Variants in DPP6 observed in about 807,000 individuals in gnomAD.
The protein encoded by DPP6 is dipeptidyl peptidase like 6, also known as A-type potassium channel modulatory protein DPP6.
In DPP6, 69 loss-of-function variants were observed where a neutral mutation model predicts 122.6. The ratio of observed to expected loss-of-function variants is 0.56; its 90% CI spans 0.46 to 0.69. DPP6 has a LOEUF of 0.69. Ranked by LOEUF, DPP6 falls within the 30% of genes least tolerant of loss-of-function variation. The pLI is 0.00. For missense variants in DPP6, 928 were observed against 1,116.9 expected (o/e 0.83, Z 2.41); for synonymous variants, 418 against 433.1 (o/e 0.97, Z 0.43).
chr7:154,330,160 G>A (rs1429166674), intron 1 of DPP6, among the ~76,000 whole-genome samples: 2 of 152,210 alleles, frequency 1.3e-5, no homozygotes, highest in African/African-American at 4.8e-5. Flanking sequence ...TAACAAACCT[G>A]CACGTTGTGC....
rs1162209939 is a variant in DPP6 at position 153,976,345 on chromosome 7, GT to G, written c.51+88612del. 8.5e-5 allele frequency among the ~76,000 whole-genome samples: 13 copies of G among 152,284 alleles called. 1 individual carries two copies. Among genetic ancestry groups the G allele is most frequent in the African/African-American group, 2.9e-4 (12 of 41,566 alleles). On this transcript the variant is annotated intron_variant, in intron 1 of 25. Coordinates refer to the DPP6 transcript ENST00000404039. The stretch of plus-strand genomic sequence containing the variant: ...GGGCGCATTTCTCTAACAGACAACA[GT>G]GTGGAAATCTGATCCAGCTAACAAC...
chr7:153,804,385 C>A, the DPP6 span, among the ~76,000 whole-genome samples: 1 of 152,092 alleles, frequency 6.6e-6, no homozygotes, highest in African/African-American at 2.4e-5. Context: ...TTGCTCTACT[C>A]ATGGTACCGT....
intron 1 of DPP6, among the ~76,000 whole-genome samples, chr7:154,152,017 C>T (rs1431050896): frequency 2.6e-5 from 4 of 151,310 alleles, no homozygotes; most frequent in Non-Finnish European, 5.9e-5. Context: ...TTTCGCCTCT[C>T]TATGCCCTGT....
chr7:154,571,052 GTTTTA>G, intron 5 of DPP6, among the ~76,000 whole-genome samples: 1 of 152,212 alleles, frequency 6.6e-6, no homozygotes, highest in East Asian at 1.9e-4. Context: ...TGCTAAATGA[GTTTTA>G]TTTTATTTTA....
intron 1 of DPP6, among the ~76,000 whole-genome samples, chr7:154,313,716 C>CGCAT (rs1404245105): frequency 0.17 from 3,686 of 22,098 alleles, 945 homozygotes; most frequent in African/African-American, 0.37. Context: ...TATATATATA[C>CGCAT]ACACACACGC....
At chr7:154,599,042 G>A (rs552883931) in intron 5 of DPP6, among the ~76,000 whole-genome samples, 1 of 152,280 alleles carries the variant, frequency 6.6e-6, no homozygotes, top group Admixed American at 6.5e-5. Flanking sequence ...CAGTGGCAGA[G>A]CTGGGTGATA....
intron 1 of DPP6, among the ~76,000 whole-genome samples, chr7:154,091,117 T>A (rs1226890167): frequency 2.3e-5 from 3 of 130,042 alleles, no homozygotes; most frequent in Non-Finnish European, 5.0e-5. Flanking sequence ...CAAGACTCCT[T>A]CTCAAAAAAA....
At chr7:154,890,119 TC>T in intron 25 of DPP6, 1 of 153,716 alleles carries the variant, frequency 6.5e-6, no homozygotes, top group Non-Finnish European at 1.4e-5. Flanking sequence ...CCTGGGCTCT[TC>T]CCAGTAATGC....
chr7:154,168,280 G>T (rs942442906), intron 1 of DPP6, among the ~76,000 whole-genome samples: 2 of 152,148 alleles, frequency 1.3e-5, no homozygotes, highest in Non-Finnish European at 2.9e-5. Flanking sequence ...AGATGCACGG[G>T]ATCAATAAAG....
At chr7:153,931,330 GA>G (rs964888166) in intron 1 of DPP6, among the ~76,000 whole-genome samples, 130 of 147,344 alleles carry the variant, frequency 8.8e-4, no homozygotes, top group Non-Finnish European at 1.2e-3. Flanking sequence ...ATTTTAAGAA[GA>G]AAAAAAAAAG....
intron 1 of DPP6, among the ~76,000 whole-genome samples, chr7:154,157,500 C>T (rs1483478745): frequency 6.6e-6 from 1 of 152,190 alleles, no homozygotes; most frequent in Non-Finnish European, 1.5e-5. Context: ...TTTATTGGCT[C>T]ATAGTGACAA....
intron 1 of DPP6, among the ~76,000 whole-genome samples, chr7:154,053,281 G>A (rs1471397029): frequency 9.2e-5 from 14 of 151,910 alleles, no homozygotes; most frequent in Admixed American, 5.9e-4. Flanking sequence ...GCGGCCGGGA[G>A]TTGGTGGCTG....
intron 1 of DPP6, among the ~76,000 whole-genome samples, chr7:154,338,307 T>G (rs1809611323): frequency 6.6e-6 from 1 of 152,170 alleles, no homozygotes; most frequent in South Asian, 2.1e-4. Flanking sequence ...TTTGAATGTT[T>G]GGAATGCTCT....
intron 1 of DPP6, among the ~76,000 whole-genome samples, chr7:154,187,925 C>T (rs1205605586): frequency 6.6e-6 from 1 of 152,124 alleles, no homozygotes; most frequent in Non-Finnish European, 1.5e-5. Context: ...TCAATACATG[C>T]TCAATAAAGC....
chr7:154,482,433 T>C (rs1334519972), intron 3 of DPP6, among the ~76,000 whole-genome samples: 1 of 152,226 alleles, frequency 6.6e-6, no homozygotes, highest in Admixed American at 6.5e-5. Flanking sequence ...TTATATATAC[T>C]ACACATTTGT....
intron 1 of DPP6, among the ~76,000 whole-genome samples, chr7:154,063,282 G>T (rs1299296088): frequency 1.5e-5 from 2 of 130,664 alleles, no homozygotes; most frequent in Non-Finnish European, 3.3e-5. Context: ...ATCGCAGAGG[G>T]GGGAGGGACC....
At chr7:154,709,407 A>G (rs551969598) in intron 7 of DPP6, among the ~76,000 whole-genome samples, 1 of 151,964 alleles carries the variant, frequency 6.6e-6, no homozygotes, top group Non-Finnish European at 1.5e-5. Context: ...TTTTGTAGAG[A>G]TGGAGTCTTA....
intron 5 of DPP6, chr7:154,588,436 T>C (rs1832611623): frequency 9.3e-6 from 2 of 215,872 alleles, no homozygotes; most frequent in Non-Finnish European, 1.8e-5. Flanking sequence ...ATTACATTAT[T>C]TTCCTGGCTC....
chr7:154,268,363 T>TCAAAGTGGAAA (rs1448600576), intron 1 of DPP6, among the ~76,000 whole-genome samples: 2 of 152,186 alleles, frequency 1.3e-5, no homozygotes, highest in Non-Finnish European at 2.9e-5. Context: ...AAGTCCAAGA[T>TCAAAGTGGAAA]CAAAGTGGAA....
Sources: gnomAD v4.1 joint callset for allele counts (sites outside exome capture counted in the v4.1 genomes callset) on GRCh38, gnomAD v4.1.1 for gene constraint, MANE v1.5 for transcripts, NCBI Gene and HGNC (gene_info 2026-07-23, HGNC 2026-07-21) for gene names.